Variants in PKN2 observed in about 807,000 individuals in gnomAD.
PKN2 encodes serine/threonine-protein kinase N2.
Under a neutral mutation model 119.1 loss-of-function variants are expected in PKN2, and 38 were observed. The observed-to-expected ratio is 0.32, with a 90% confidence interval of 0.25 to 0.42. The LOEUF (loss-of-function observed/expected upper bound fraction) is 0.42. Ranked by LOEUF, PKN2 falls within the 10% of genes least tolerant of loss-of-function variation. The pLI is 1.00. For missense variants in PKN2, 850 were observed against 1,165.1 expected, an observed-to-expected ratio of 0.73 and a Z score of 3.94; for synonymous variants, 390 against 384.9, an observed-to-expected ratio of 1.01 and a Z score of -0.15.
At chr1:88,805,396 C>T in intron 10 of PKN2, 101 bp from the exon 11 acceptor site, 2 of 1,068,892 alleles carry the variant, frequency 1.9e-6, no homozygotes, top group Non-Finnish European at 2.6e-6. Flanking sequence ...TTTGTTTGTT[C>T]TTCGTAGATT....
chr1:88,724,882 G>GGT (rs1667835015), intron 1 of PKN2, among the ~76,000 whole-genome samples: 8 of 105,996 alleles, frequency 7.5e-5, no homozygotes, highest in Non-Finnish European at 9.2e-5. Context: ...CCACCCCTTG[G>GGT]TTTTTTTTTT....
chr1:88,727,150 C>CT lies in PKN2; in HGVS notation c.49-13832dup, dbSNP rs567994773. On this transcript the variant is annotated intron_variant, in intron 1 of 21. Coordinates refer to ENST00000370521, the MANE Select transcript of PKN2 (RefSeq NM_006256.4). ...TGTTAATGTCATCTTGGTGGATAGA[C>CT]TTTTTTATCATTTTTAATGACGCTC... is the stretch of plus-strand genomic sequence containing the variant. 8.3e-5 allele frequency among the ~76,000 whole-genome samples: 12 copies of CT among 144,170 alleles called. No individual in the cohort carries two copies. The South Asian group carries it at 9.1e-4, about 11-fold the overall frequency. 94.6% of individuals were successfully genotyped at this position (144,170 alleles called of 152,430 possible). A position where few individuals can be genotyped will look rare whatever the true frequency, so the allele number is the denominator to read the frequency against.
intron 1 of PKN2, among the ~76,000 whole-genome samples, chr1:88,720,411 A>G (rs1489667514): frequency 2.0e-5 from 3 of 152,066 alleles, no homozygotes; most frequent in South Asian, 4.1e-4. Flanking sequence ...CTCTGCCTCT[A>G]TTGGAGTCAC....
chr1:88,721,145 T>C (rs1317840301), intron 1 of PKN2, among the ~76,000 whole-genome samples: 4 of 152,138 alleles, frequency 2.6e-5, no homozygotes, highest in Non-Finnish European at 5.9e-5. Flanking sequence ...TACCCAGTAG[T>C]GGGATTGCTG....
At chr1:88,816,549 C>A (rs1672003324) in intron 16 of PKN2, among the ~76,000 whole-genome samples, 1 of 152,174 alleles carries the variant, frequency 6.6e-6, no homozygotes, top group South Asian at 2.1e-4. Flanking sequence ...ACCTGGCCAT[C>A]TTAAGCAATT....
At chr1:88,788,593 G>A (rs909507635) in intron 8 of PKN2, among the ~76,000 whole-genome samples, 1 of 152,046 alleles carries the variant, frequency 6.6e-6, no homozygotes, top group Non-Finnish European at 1.5e-5. Flanking sequence ...TTACAGGCAT[G>A]TACCACCACG....
At chr1:88,725,794 C>T (rs1667874663) in intron 1 of PKN2, among the ~76,000 whole-genome samples, 1 of 152,244 alleles carries the variant, frequency 6.6e-6, no homozygotes, top group East Asian at 1.9e-4. Flanking sequence ...CCTACGAACT[C>T]TTCACTTAAC....
chr1:88,792,062 TTA>T (rs1670862933), intron 8 of PKN2, among the ~76,000 whole-genome samples: 1 of 152,244 alleles, frequency 6.6e-6, no homozygotes, highest in Admixed American at 6.5e-5. Flanking sequence ...GCTGTAACAC[TTA>T]TCTTTTTTAC....
chr1:88,752,090 A>C (rs1219768785), intron 2 of PKN2, among the ~76,000 whole-genome samples: 1 of 152,086 alleles, frequency 6.6e-6, no homozygotes, highest in Non-Finnish European at 1.5e-5. Context: ...CAATTATGGG[A>C]AATTGTTAGC....
intron 8 of PKN2, among the ~76,000 whole-genome samples, chr1:88,789,812 G>C (rs758900844): frequency 1.3e-5 from 2 of 151,812 alleles, no homozygotes; most frequent in Non-Finnish European, 2.9e-5. Context: ...TTAAACCACC[G>C]CACTCCTATT....
chr1:88,766,188 T>A (rs1473817269), intron 3 of PKN2, among the ~76,000 whole-genome samples: 1 of 152,228 alleles, frequency 6.6e-6, no homozygotes, highest in African/African-American at 2.4e-5. Flanking sequence ...CTATATGTCT[T>A]CTAGCAAATT....
At position 88,805,491 on chromosome 1, in the gene PKN2, C is replaced by A; in HGVS notation, c.1502-6C>A. ...TTGCTGTTTTTGTTTTTTTCAACAT[C>A]TACAGGCAAAACATTTCTCAGAGCT... On this transcript the variant is annotated splice_polypyrimidine_tract_variant and splice_region_variant and intron_variant, in intron 10 of 21. Transcript: ENST00000370521. 6.3e-7 allele frequency: 1 copy of A among 1,577,528 alleles called. No individual in the cohort carries two copies.
intron 16 of PKN2, among the ~76,000 whole-genome samples, chr1:88,820,942 A>G (rs1314602482): frequency 6.6e-6 from 1 of 152,226 alleles, no homozygotes; most frequent in Non-Finnish European, 1.5e-5. Flanking sequence ...TAGGATAAAA[A>G]TTGAAAAAGT....
chr1:88,715,718 A>G (rs981060458), intron 1 of PKN2, among the ~76,000 whole-genome samples: 16 of 151,954 alleles, frequency 1.1e-4, no homozygotes, highest in African/African-American at 2.4e-4. Context: ...CGGTCCATCA[A>G]TTTTGTTGAT....
intron 16 of PKN2, among the ~76,000 whole-genome samples, chr1:88,820,179 CCTATATATATATATATATAT>C (rs1236881651): frequency 1.5e-5 from 1 of 65,462 alleles, no homozygotes; most frequent in Non-Finnish European, 2.7e-5. Flanking sequence ...TTTTCAGAAA[CCTATATATATATATATATAT>C]ATATATATAT....
intron 8 of PKN2, among the ~76,000 whole-genome samples, chr1:88,799,112 T>C (rs921277879): frequency 6.6e-6 from 1 of 152,240 alleles, no homozygotes; most frequent in Non-Finnish European, 1.5e-5. Flanking sequence ...TGGAACTTTT[T>C]ATATGATGTG....
chr1:88,708,765 A>G (rs1667103967), intron 1 of PKN2, among the ~76,000 whole-genome samples: 1 of 151,862 alleles, frequency 6.6e-6, no homozygotes, highest in South Asian at 2.1e-4. Flanking sequence ...CCCGGCCCCT[A>G]AAACACTGAT....
At chr1:88,802,356 C>G (rs930730728) in intron 8 of PKN2, among the ~76,000 whole-genome samples, 1 of 150,888 alleles carries the variant, frequency 6.6e-6, no homozygotes, top group Non-Finnish European at 1.5e-5. Flanking sequence ...GACAGGGTCT[C>G]GCTCTGTTGC....
intron 1 of PKN2, among the ~76,000 whole-genome samples, chr1:88,737,172 C>T (rs1242186692): frequency 6.6e-6 from 1 of 152,208 alleles, no homozygotes; most frequent in Non-Finnish European, 1.5e-5. Context: ...AAGCACAGCA[C>T]AGGGATATGC....
Sources: allele counts gnomAD v4.1 joint callset (sites outside exome capture counted in the v4.1 genomes callset), GRCh38; gene constraint gnomAD v4.1.1; transcripts MANE v1.5; gene names NCBI Gene and HGNC (gene_info 2026-07-23, HGNC 2026-07-21).